MAPKAPK2: variants seen among roughly 807,000 people sequenced by gnomAD.
MAPKAPK2 encodes the protein MAP kinase-activated protein kinase 2.
Under a neutral mutation model 48.8 loss-of-function variants are expected in MAPKAPK2, and 9 were observed. The ratio of observed to expected loss-of-function variants is 0.18; its 90% CI spans 0.11 to 0.32. MAPKAPK2 has a LOEUF of 0.32. MAPKAPK2 is among the 10% of genes least tolerant of loss of function. MAPKAPK2 has a pLI of 1.00. For missense variants in MAPKAPK2, 331 were observed against 498.3 expected (o/e 0.66, Z 3.20); for synonymous variants, 202 against 190.6 (o/e 1.06, Z -0.49).
chr1:206,729,847 AG>A lies in MAPKAPK2; in HGVS notation c.565-124del, dbSNP rs1164209658. 7 of 1,199,138 alleles carry A rather than the reference AG, an allele frequency of 5.8e-6. No homozygotes were observed. The African/African-American group carries it at 1.1e-4, about 18-fold the overall frequency. 74.3% of individuals were successfully genotyped at this position (1,199,138 alleles called of 1,614,324 possible). On this transcript the variant is annotated intron_variant, in intron 4 of 9. Transcript: ENST00000367103. ...AGAGCTGCCACTCCTCGTGGTGGGC[AG>A]TGCCCAGGATAGGCAAATGGTTGCT...
chr1:206,723,821 G>A (rs188962958), intron 1 of MAPKAPK2, among the ~76,000 whole-genome samples: 4 of 152,204 alleles, frequency 2.6e-5, no homozygotes, highest in Admixed American at 2.0e-4. Flanking sequence ...GGCAGCTCCC[G>A]CAGCTCCCTC....
chr1:206,699,306 A>G (rs1005364723), intron 1 of MAPKAPK2, among the ~76,000 whole-genome samples: 2 of 152,156 alleles, frequency 1.3e-5, no homozygotes, highest in African/African-American at 2.4e-5. Context: ...GGATGCAGAG[A>G]CACATGATGG....
At chr1:206,721,637 G>A (rs1673521081) in intron 1 of MAPKAPK2, among the ~76,000 whole-genome samples, 1 of 152,144 alleles carries the variant, frequency 6.6e-6, no homozygotes, top group Non-Finnish European at 1.5e-5. Flanking sequence ...CCAGAGCAGG[G>A]TTCAAACTCC....
intron 1 of MAPKAPK2, among the ~76,000 whole-genome samples, chr1:206,723,320 A>G (rs782340402): frequency 7.2e-5 from 11 of 152,178 alleles, no homozygotes; most frequent in Non-Finnish European, 1.3e-4. Flanking sequence ...GAGCAGAATA[A>G]TAATAGCAAA....
rs1558589974 is a variant in MAPKAPK2, at chr1:206,731,678, A to G, written c.931A>G (p.Thr311Ala). 2 of 1,614,012 alleles carry G rather than the reference A, an allele frequency of 1.2e-6. No homozygotes were observed. The highest frequency in any genetic ancestry group is 1.7e-5 in the Admixed American group (1 of 60,018). ...LIRNLLKTEP[T>A]QRMTITEFMN... is the part of the protein sequence containing the mutation. ...TCGGAATCTGCTGAAAACAGAGCCC[A>G]CCCAGAGAATGACCATCACCGAGTT... The change falls in exon 8 of 10, where the codon ACC becomes GCC. Residue 311 changes from threonine (T) to alanine (A), a missense_variant. Coordinates refer to ENST00000367103, the MANE Select transcript of MAPKAPK2 (RefSeq NM_032960.4). This position sits in a 1 kb window ranked among gnomAD's most constrained non-coding sequence, Gnocchi z 5.9.
chr1:206,729,112 T>C lies in MAPKAPK2; in HGVS notation c.484+13T>C. 1 of 1,613,966 alleles carries C rather than the reference T, an allele frequency of 6.2e-7. No homozygotes were observed. The highest frequency in any genetic ancestry group is 8.5e-7 in the Non-Finnish European group (1 of 1,179,892). ...TTCACAGAAAGAGGTAGAAAGGGTC[T>C]GTTGTGGGAGCACGTGCAGGCAGGC... On this transcript the variant is annotated intron_variant, in intron 3 of 9. Transcript: ENST00000367103.
rs1673936551 is a variant in MAPKAPK2, at chr1:206,732,167, A to G, written c.1059+248A>G. The G allele has an allele frequency of 6.2e-7, 1 of 1,604,822 alleles. No homozygotes were observed. Among genetic ancestry groups the G allele is most frequent in the African/African-American group, 1.3e-5 (1 of 74,630 alleles). On this transcript the variant is annotated intron_variant, in intron 9 of 9. Coordinates refer to ENST00000367103, the MANE Select transcript of MAPKAPK2 (RefSeq NM_032960.4). The surrounding 1 kb of genome is among the most constrained non-coding windows in gnomAD (Gnocchi z 4.4). The stretch of plus-strand genomic sequence containing the variant: ...TTTTATTCCCTGGGTCTCTAATGGG[A>G]CCTTAAAGACCATCTGGTATCATCT...
rs782364714 is a variant in MAPKAPK2, at chr1:206,685,370, C to T, written c.141C>T (p.His47=). Residue 47 remains histidine, a synonymous_variant, in exon 1 of 10, where the codon CAC becomes CAT. Coordinates refer to ENST00000367103, the MANE Select transcript of MAPKAPK2 (RefSeq NM_032960.4). ...CCCCGCAGCAGTTCCCGCAGTTCCA[C>T]GTCAAGTCCGGCCTGCAGATCAAGA... is the stretch of plus-strand genomic sequence containing the variant. The part of the protein sequence containing the change: ...PPPPQQFPQF[H]VKSGLQIKKN... 200 of 1,517,000 alleles carry T rather than the reference C, an allele frequency of 1.3e-4. No individual in the cohort carries two copies. Among genetic ancestry groups the T allele is most frequent in the Non-Finnish European group, 1.8e-4 (197 of 1,125,360 alleles). The allele number at this position is 1,517,000 out of a possible 1,614,324, so 94.0% of individuals were successfully genotyped here.
In MAPKAPK2 at chr1:206,729,413, A is replaced by G; in HGVS notation, c.502A>G (p.Lys168Glu). ...FTEREASEIM[K>E]SIGEAIQYLH... ...CTCTACAGAAGCATCCGAAATCATG[A>G]AGAGCATCGGTGAGGCCATCCAGTA... The change falls in exon 4 of 10, where the codon AAG (lysine) becomes GAG (glutamate). Residue 168 changes from lysine to glutamate, a missense_variant. Lys to Glu is a moderately conservative substitution (Grantham distance 56). Transcript: ENST00000367103. 6.2e-7 allele frequency: 1 copy of G among 1,613,980 alleles called. No individual in the cohort carries two copies. The highest frequency in any genetic ancestry group is 2.2e-5 in the East Asian group (1 of 44,886).
In MAPKAPK2 at chr1:206,732,827, C is replaced by A; in HGVS notation, c.*109C>A. 1 of 1,275,662 alleles carries A rather than the reference C, an allele frequency of 7.8e-7. No individual in the cohort carries two copies. The highest frequency in any genetic ancestry group is 1.1e-6 in the Non-Finnish European group (1 of 920,134). The allele number at this position is 1,275,662 out of a possible 1,614,324, so 79.0% of individuals were successfully genotyped here. On this transcript the variant is annotated 3_prime_UTR_variant, in exon 10 of 10. Transcript: ENST00000367103. This position sits in a 1 kb window ranked among gnomAD's most constrained non-coding sequence, Gnocchi z 4.4. ...CACATCTGCCTCCTCTCCTCCTCAG[C>A]TGCATGGAGCCTGGAACTGCATCAG...
chr1:206,714,453 C>G (rs2102400858), intron 1 of MAPKAPK2, among the ~76,000 whole-genome samples: 1 of 152,012 alleles, frequency 6.6e-6, no homozygotes, highest in East Asian at 1.9e-4. Flanking sequence ...CCTATTTGTC[C>G]CCTTCCCTTT....
chr1:206,732,322 A>C lies in MAPKAPK2; in HGVS notation c.1060-253A>C. On this transcript the variant is annotated intron_variant, in intron 9 of 9. Coordinates refer to ENST00000367103, the MANE Select transcript of MAPKAPK2 (RefSeq NM_032960.4). This position sits in a 1 kb window ranked among gnomAD's most constrained non-coding sequence, Gnocchi z 4.4. ...CTCCTGGCCCAAGTCTCTTCCTCCT[A>C]TCCTGCGGGATCACTGGGGGGCTCT... The C allele has an allele frequency of 6.9e-7, 1 of 1,443,260 alleles. No homozygotes were observed. Among genetic ancestry groups the C allele is most frequent in the Non-Finnish European group, 9.1e-7 (1 of 1,102,596 alleles). 89.4% of individuals were successfully genotyped at this position (1,443,260 alleles called of 1,614,324 possible).
intron 1 of MAPKAPK2, among the ~76,000 whole-genome samples, chr1:206,695,622 C>T (rs1256173237): frequency 6.6e-6 from 1 of 152,144 alleles, no homozygotes; most frequent in East Asian, 1.9e-4. Context: ...TCTACCTTTT[C>T]CACCCTGCAC....
chr1:206,731,457 G>A lies in MAPKAPK2; in HGVS notation c.893-183G>A. 5 of 1,176,770 alleles carry A rather than the reference G, an allele frequency of 4.2e-6. No homozygotes were observed. The highest frequency in any genetic ancestry group is 1.5e-5 in the African/African-American group (1 of 65,952). The allele number at this position is 1,176,770 out of a possible 1,614,324, so 72.9% of individuals were successfully genotyped here. ...GTGGAGGGCTGGAGGCAGGGCCAAGGCTGTGGGGCTGTGCAGGGCCTCTCA... is the reference window on the plus strand; with the variant it reads ...GTGGAGGGCTGGAGGCAGGGCCAAGACTGTGGGGCTGTGCAGGGCCTCTCA... On this transcript the variant is annotated intron_variant, in intron 7 of 9. Transcript: ENST00000367103. The surrounding 1 kb of genome is among the most constrained non-coding windows in gnomAD (Gnocchi z 5.9).
chr1:206,724,465 G>T (rs6540576), intron 1 of MAPKAPK2, among the ~76,000 whole-genome samples: 28,862 of 151,946 alleles, frequency 0.19, 2,854 homozygotes, highest in South Asian at 0.3. Context: ...CCCATCTGAA[G>T]GGCTTTCATT....
rs150816661 is a variant in MAPKAPK2, at chr1:206,729,421, C to T, written c.510C>T (p.Ile170=). ...EREASEIMKS[I]GEAIQYLHSI... is the part of the protein sequence containing the mutation. ...AAGCATCCGAAATCATGAAGAGCAT[C>T]GGTGAGGCCATCCAGTATCTGCATT... is the stretch of plus-strand genomic sequence containing the variant. The change falls in exon 4 of 10, where the codon ATC becomes ATT. Residue 170 remains isoleucine (I), a synonymous_variant. Transcript: ENST00000367103. 512 of 1,613,944 alleles carry T rather than the reference C, an allele frequency of 3.2e-4. 2 individuals carry two copies. The highest frequency in any genetic ancestry group is 8.7e-4 in the East Asian group (39 of 44,898).
chr1:206,714,800 T>G (rs965158245), intron 1 of MAPKAPK2, among the ~76,000 whole-genome samples: 2 of 151,136 alleles, frequency 1.3e-5, no homozygotes, highest in Non-Finnish European at 2.9e-5. Context: ...AACCCCCCAG[T>G]TTTTTATATC....
At position 206,728,694 on chromosome 1, in the gene MAPKAPK2, G is replaced by A. The variant is rs1553432171; in HGVS notation, c.280-16G>A. ...ATGTGACAGCGCAGTTACTCAGAAA[G>A]CTGTTTGGCCTGCAGATGCTTCAGG... On this transcript the variant is annotated splice_polypyrimidine_tract_variant and intron_variant, in intron 1 of 9. Transcript: ENST00000367103. The A allele has an allele frequency of 6.2e-7, 1 of 1,611,244 alleles. No individual in the cohort carries two copies. The highest frequency in any genetic ancestry group is 1.7e-5 in the Admixed American group (1 of 59,788).
chr1:206,696,064 G>A, intron 1 of MAPKAPK2: 1 of 983,392 alleles, frequency 1.0e-6, no homozygotes, highest in Non-Finnish European at 1.7e-6. Context: ...CATGTGGTGA[G>A]GATTCATCTC....
Sources: allele counts gnomAD v4.1 joint callset (sites outside exome capture counted in the v4.1 genomes callset), GRCh38; gene constraint gnomAD v4.1.1; non-coding constraint Gnocchi (gnomAD v3.1); transcripts MANE v1.5; gene names NCBI Gene and HGNC (gene_info 2026-07-23, HGNC 2026-07-21).